Variants in CCSER2 observed in about 807,000 individuals in gnomAD.
The protein encoded by CCSER2 is serine-rich coiled-coil domain-containing protein 2.
In CCSER2, 46 loss-of-function variants were observed where a neutral mutation model predicts 92.3. The ratio of observed to expected loss-of-function variants is 0.50; its 90% CI spans 0.39 to 0.64. CCSER2 has a LOEUF of 0.64. Among genes scored for constraint, CCSER2 ranks in the 30% least tolerant of loss-of-function variants. CCSER2 has a pLI of 0.00. For missense variants in CCSER2, 1,244 were observed against 1,238.9 expected (o/e 1.00, Z -0.06); for synonymous variants, 433 against 431.4 (o/e 1.00, Z -0.04).
At chr10:84,496,282 C>T (rs1848444682) in intron 9 of CCSER2, among the ~76,000 whole-genome samples, 1 of 152,006 alleles carries the variant, frequency 6.6e-6, no homozygotes, top group South Asian at 2.1e-4. Context: ...CTCCCCAGTC[C>T]TCCCTTTCTT....
chr10:84,330,443 C>T (rs1843500570), intron 1 of CCSER2, among the ~76,000 whole-genome samples: 1 of 152,212 alleles, frequency 6.6e-6, no homozygotes, highest in Non-Finnish European at 1.5e-5. Flanking sequence ...GATTCGTACA[C>T]TCTCCAGTTA....
intron 3 of CCSER2, among the ~76,000 whole-genome samples, chr10:84,375,555 G>A (rs4317927): frequency 0.18 from 25,271 of 141,548 alleles, 2,760 homozygotes; most frequent in East Asian, 0.33. Flanking sequence ...TTTTTTTGGT[G>A]AATTGGACTT....
intron 3 of CCSER2, among the ~76,000 whole-genome samples, chr10:84,394,385 ATG>A (rs60891669): frequency 0.044 from 5,813 of 132,588 alleles, 120 homozygotes; most frequent in South Asian, 0.068. Context: ...AAAGGAAAGT[ATG>A]TGTGTGTGTG....
chr10:84,514,613 G>T lies in CCSER2; in HGVS notation c.*346G>T. 4.4e-6 allele frequency: 1 copy of T among 228,538 alleles called. No homozygotes were observed. Among genetic ancestry groups the T allele is most frequent in the Non-Finnish European group, 8.5e-6 (1 of 117,132 alleles). 14.2% of individuals were successfully genotyped at this position (228,538 alleles called of 1,614,324 possible). A position where few individuals can be genotyped will look rare whatever the true frequency, so the allele number is the denominator to read the frequency against. On this transcript the variant is annotated 3_prime_UTR_variant, in exon 10 of 10. Coordinates refer to ENST00000372088, the MANE Select transcript of CCSER2 (RefSeq NM_001284240.2). The stretch of plus-strand genomic sequence containing the variant: ...TGCTTTGCTGGTTTAGTCCTATTAA[G>T]GTCTGTATTTATTGTGGTTGTCAGA...
chr10:84,436,024 G>C (rs999461357), intron 5 of CCSER2, among the ~76,000 whole-genome samples: 6 of 152,048 alleles, frequency 3.9e-5, no homozygotes, highest in Non-Finnish European at 8.8e-5. Flanking sequence ...CAGGTAATTA[G>C]GTATGAATTA....
At chr10:84,392,038 T>A in intron 3 of CCSER2, 3 of 1,233,668 alleles carry the variant, frequency 2.4e-6, no homozygotes, top group Non-Finnish European at 3.6e-6. Context: ...TGCAGCTGTT[T>A]ATGGTGTTTA....
intron 1 of CCSER2, among the ~76,000 whole-genome samples, chr10:84,344,822 G>A (rs914115863): frequency 3.3e-5 from 5 of 152,164 alleles, no homozygotes; most frequent in East Asian, 1.9e-4. Flanking sequence ...TACCAAAGCC[G>A]CAATTCGAAG....
intron 1 of CCSER2, among the ~76,000 whole-genome samples, chr10:84,352,146 A>T (rs1033957632): frequency 7.3e-5 from 11 of 151,148 alleles, no homozygotes; most frequent in Non-Finnish European, 1.3e-4. Context: ...TAAAAATATA[A>T]AAAAAAAATT....
chr10:84,344,588 A>T (rs1239340796), intron 1 of CCSER2, among the ~76,000 whole-genome samples: 1 of 152,168 alleles, frequency 6.6e-6, no homozygotes, highest in Non-Finnish European at 1.5e-5. Context: ...GGCTTATGTT[A>T]TTCTGTCCAG....
In CCSER2 at chr10:84,513,780, C is replaced by G. The variant is rs917661585; in HGVS notation, c.2657C>G (p.Thr886Ser). The change falls in exon 10 of 10, where the codon ACT (threonine) becomes AGT (serine). Residue 886 changes from threonine (T) to serine (S), a missense_variant. By Grantham distance (58) the Thr-to-Ser change is moderately conservative. Coordinates refer to ENST00000372088, the MANE Select transcript of CCSER2 (RefSeq NM_001284240.2). ...NQISDMQFIPTSLQTPPESST... is the reference protein window; with the variant it reads ...NQISDMQFIPSSLQTPPESST... The stretch of plus-strand genomic sequence containing the variant: ...ATTAGTGACATGCAGTTTATACCCA[C>G]TTCTCTTCAGACACCTCCCGAGTCA... 6.5e-6 allele frequency: 10 copies of G among 1,536,468 alleles called. No individual in the cohort carries two copies. Among genetic ancestry groups the G allele is most frequent in the Non-Finnish European group, 8.7e-6 (10 of 1,146,920 alleles).
intron 3 of CCSER2, among the ~76,000 whole-genome samples, chr10:84,396,191 G>GTA (rs1423401494): frequency 5.1e-5 from 4 of 78,372 alleles, no homozygotes; most frequent in Admixed American, 4.6e-4. Context: ...AACACTGTGT[G>GTA]TGTGTGTGTG....
chr10:84,398,834 G>A (rs1217775235), intron 3 of CCSER2, among the ~76,000 whole-genome samples: 3 of 151,948 alleles, frequency 2.0e-5, no homozygotes, highest in Non-Finnish European at 2.9e-5. Context: ...AAGAATTTAT[G>A]TAGACATATT....
intron 9 of CCSER2, among the ~76,000 whole-genome samples, chr10:84,488,909 A>T (rs1448781860): frequency 2.0e-5 from 3 of 152,158 alleles, no homozygotes; most frequent in Admixed American, 2.0e-4. Context: ...CACTGCTTCA[A>T]ATGTGTCCCA....
chr10:84,391,302 T>C (rs2133259683), intron 3 of CCSER2: 6 of 1,461,610 alleles, frequency 4.1e-6, no homozygotes, highest in Middle Eastern at 4.5e-4. Context: ...TTTATGTTAG[T>C]GTCTCTTGAT....
At chr10:84,378,864 T>G (rs1846489792) in intron 3 of CCSER2, among the ~76,000 whole-genome samples, 1 of 152,228 alleles carries the variant, frequency 6.6e-6, no homozygotes, top group Admixed American at 6.5e-5. Flanking sequence ...CATGCCACTA[T>G]ACCCAGCTCT....
At chr10:84,419,415 A>G (rs1197982430) in intron 4 of CCSER2, among the ~76,000 whole-genome samples, 1 of 152,090 alleles carries the variant, frequency 6.6e-6, no homozygotes, top group African/African-American at 2.4e-5. Context: ...CCTGACAACT[A>G]TCTTCATTCA....
intron 6 of CCSER2, among the ~76,000 whole-genome samples, chr10:84,456,321 C>T (rs997381907): frequency 6.6e-6 from 1 of 152,078 alleles, no homozygotes; most frequent in African/African-American, 2.4e-5. Flanking sequence ...ATGATATAGC[C>T]TTTTGAGTAT....
chr10:84,391,611 A>G, intron 3 of CCSER2: 1 of 1,531,284 alleles, frequency 6.5e-7, no homozygotes, highest in African/African-American at 1.4e-5. Flanking sequence ...ATGCAGCCTT[A>G]TATTCCTATG....
At chr10:84,370,093 G>T (rs1432566845) in intron 1 of CCSER2, among the ~76,000 whole-genome samples, 1 of 151,998 alleles carries the variant, frequency 6.6e-6, no homozygotes. Flanking sequence ...GATGCCTCCA[G>T]ATTTGGTTTT....
Sources: allele counts gnomAD v4.1 joint callset (sites outside exome capture counted in the v4.1 genomes callset), GRCh38; gene constraint gnomAD v4.1.1; transcripts MANE v1.5; gene names NCBI Gene and HGNC (gene_info 2026-07-23, HGNC 2026-07-21).